MOB4: variants seen among roughly 807,000 people sequenced by gnomAD.
The protein encoded by MOB4 is MOB family member 4, phocein.
A neutral mutation model predicts 32.2 loss-of-function variants in MOB4; 4 were observed. The ratio of observed to expected loss-of-function variants is 0.12; its 90% confidence interval spans 0.06 to 0.28. The LOEUF (loss-of-function observed/expected upper bound fraction) is 0.28. Among genes scored for constraint, MOB4 ranks in the 10% least tolerant of loss-of-function variants. The pLI, the probability that MOB4 is intolerant of heterozygous loss-of-function variation, is 1.00. For synonymous variants in MOB4, 88 were observed against 88.1 expected, an observed-to-expected ratio of 1.00 and a Z score of 0.01; for missense variants, 158 against 271.2, an observed-to-expected ratio of 0.58 and a Z score of 2.93.
chr2:197,525,347 CAAA>C (rs766280342), intron 2 of MOB4, among the ~76,000 whole-genome samples: 3 of 113,468 alleles, frequency 2.6e-5, no homozygotes, highest in Non-Finnish European at 3.8e-5. Flanking sequence ...GACTCCATCT[CAAA>C]AAAAAAAAAA....
intron 2 of MOB4, chr2:197,533,930 A>G: frequency 1.7e-6 from 1 of 592,078 alleles, no homozygotes; most frequent in African/African-American, 1.9e-5. Flanking sequence ...TACAACTCTA[A>G]GAGGAGACAT....
chr2:197,516,175 C>G (rs751834612), intron 1 of MOB4, 29 bp downstream of exon 1: 64 of 1,582,088 alleles, frequency 4.0e-5, no homozygotes, highest in Non-Finnish European at 3.9e-5. Flanking sequence ...TCTTGTCGGG[C>G]AACTAGGTGC....
At chr2:197,539,186 T>A (rs2086853872) in intron 3 of MOB4, among the ~76,000 whole-genome samples, 2 of 152,148 alleles carry the variant, frequency 1.3e-5, no homozygotes, top group Non-Finnish European at 2.9e-5. Context: ...AACTAAATAT[T>A]AATAGGTAGG....
chr2:197,549,859 T>TAAAAAAAAAA lies in MOB4; in HGVS notation c.435-405_435-396dup, dbSNP rs573507195. Among the ~76,000 whole-genome samples, 26 of 84,964 alleles carry TAAAAAAAAAA rather than the reference T, an allele frequency of 3.1e-4. 1 individual carries two copies. The highest frequency in any genetic ancestry group is 8.8e-3 in the Middle Eastern group (1 of 114). 55.7% of individuals were successfully genotyped at this position (84,964 alleles called of 152,430 possible). A position where few individuals can be genotyped will look rare whatever the true frequency, so the allele number is the denominator to read the frequency against. The stretch of plus-strand genomic sequence containing the variant: ...AGCCACCACACCTGGCCTTAATTTC[T>TAAAAAAAAAA]AAAAAAAAAAAAAAAAAAAAGAAAA... On this transcript the variant is annotated intron_variant, in intron 6 of 7. Transcript: ENST00000323303.
intron 1 of MOB4, among the ~76,000 whole-genome samples, chr2:197,521,114 G>A (rs1264340406): frequency 1.3e-5 from 2 of 151,932 alleles, no homozygotes; most frequent in Admixed American, 6.6e-5. Flanking sequence ...CATTTGTATC[G>A]GGGAACCTGC....
At chr2:197,549,152 C>T (rs1241208405) in intron 6 of MOB4, among the ~76,000 whole-genome samples, 1 of 151,952 alleles carries the variant, frequency 6.6e-6, no homozygotes, top group East Asian at 1.9e-4. Flanking sequence ...CGCTTGAACC[C>T]AGGAGGCAGA....
intron 2 of MOB4, among the ~76,000 whole-genome samples, chr2:197,535,222 CAAAAA>C (rs371120769): frequency 3.0e-5 from 2 of 66,420 alleles, no homozygotes; most frequent in African/African-American, 9.1e-5. Flanking sequence ...GACCCTGTTT[CAAAAA>C]AAAAAAAAAA....
intron 3 of MOB4, among the ~76,000 whole-genome samples, chr2:197,538,412 A>C (rs1012010381): frequency 2.8e-5 from 4 of 145,128 alleles, no homozygotes; most frequent in African/African-American, 1.0e-4. Context: ...TTTTGCATAC[A>C]TCCTTTATTG....
intron 1 of MOB4, chr2:197,516,412 G>T: frequency 7.2e-7 from 1 of 1,379,600 alleles, no homozygotes; most frequent in Non-Finnish European, 9.5e-7. Context: ...GAAGCCCTGG[G>T]CTGCGAGCCT....
At position 197,524,628 on chromosome 2, in the gene MOB4, T is replaced by G. The variant is rs187612455; in HGVS notation, c.123+942T>G. Among the ~76,000 whole-genome samples the G allele has an allele frequency of 4.6e-5, 7 of 152,142 alleles. No individual in the cohort carries two copies. The South Asian group carries it at 8.3e-4, about 18-fold the overall frequency. On this transcript the variant is annotated intron_variant, in intron 2 of 7. Transcript: ENST00000323303. The stretch of plus-strand genomic sequence containing the variant: ...AATTGGAGCGTACTAGTATATTGGA[T>G]TAGGCATTGGTTAAATTTTTTTTGT...
rs1324755797 is a variant in MOB4, at chr2:197,553,555, G to C, written c.*2909G>C. The C allele has an allele frequency of 6.6e-6, 1 of 152,164 alleles. No individual in the cohort carries two copies. Among genetic ancestry groups the C allele is most frequent in the Non-Finnish European group, 1.5e-5 (1 of 68,032 alleles). 9.4% of individuals were successfully genotyped at this position (152,164 alleles called of 1,614,324 possible). The stretch of plus-strand genomic sequence containing the variant: ...TTTTATGTGAGTACTTTGCCCTACT[G>C]TCTATATGATGACATCTTTTTTGAG... On this transcript the variant is annotated 3_prime_UTR_variant, in exon 8 of 8. Transcript: ENST00000323303.
At chr2:197,538,771 C>T (rs2086846722) in intron 3 of MOB4, among the ~76,000 whole-genome samples, 1 of 152,162 alleles carries the variant, frequency 6.6e-6, no homozygotes, top group African/African-American at 2.4e-5. Flanking sequence ...AGAAACTTAC[C>T]ACAACCAGTC....
At chr2:197,527,625 T>G (rs1196043084) in intron 2 of MOB4, among the ~76,000 whole-genome samples, 2 of 152,242 alleles carry the variant, frequency 1.3e-5, no homozygotes. Flanking sequence ...GAGATGCGTT[T>G]TATTTCTTTA....
At chr2:197,535,666 C>T (rs369012087) in intron 3 of MOB4, 36 bp downstream of exon 3, 3 of 1,574,366 alleles carry the variant, frequency 1.9e-6, no homozygotes, top group Non-Finnish European at 2.6e-6. Context: ...TAGTACCTCT[C>T]ACAAAACTAG....
rs747169490 is a variant in MOB4 at position 197,540,195 on chromosome 2, A to T, written c.267+42A>T. 6 of 1,580,618 alleles carry T rather than the reference A, an allele frequency of 3.8e-6. No homozygotes were observed. The African/African-American group carries it at 4.1e-5, about 11-fold the overall frequency. On this transcript the variant is annotated intron_variant, in intron 4 of 7. Coordinates refer to ENST00000323303, the MANE Select transcript of MOB4 (RefSeq NM_015387.5). ...GTCAAAGTTATAATTGAAAGTTCTG[A>T]TTTTTTTTTCTCTGTTTTTATAACT...
At chr2:197,517,741 CTTGT>C (rs1409103745) in intron 1 of MOB4, among the ~76,000 whole-genome samples, 4 of 152,044 alleles carry the variant, frequency 2.6e-5, no homozygotes, top group African/African-American at 7.2e-5. Context: ...TTTGTCCTAT[CTTGT>C]TTATCACATG....
At chr2:197,522,888 G>GC (rs1446517792) in intron 1 of MOB4, among the ~76,000 whole-genome samples, 1 of 151,868 alleles carries the variant, frequency 6.6e-6, no homozygotes, top group Non-Finnish European at 1.5e-5. Flanking sequence ...GGTGGTGCGT[G>GC]CCTGTAGTCC....
chr2:197,523,863 C>T (rs1439527919), intron 2 of MOB4, among the ~76,000 whole-genome samples, 177 bp downstream of exon 2: 1 of 152,198 alleles, frequency 6.6e-6, no homozygotes, highest in African/African-American at 2.4e-5. Context: ...AAGCATTTTA[C>T]CTCTGACATA....
At chr2:197,545,335 A>G (rs1233191894) in intron 5 of MOB4, among the ~76,000 whole-genome samples, 1 of 152,220 alleles carries the variant, frequency 6.6e-6, no homozygotes, top group African/African-American at 2.4e-5. Context: ...TCATCTCTAG[A>G]TTACATATAA....
Sources: allele counts gnomAD v4.1 joint callset (sites outside exome capture counted in the v4.1 genomes callset), GRCh38; gene constraint gnomAD v4.1.1; transcripts MANE v1.5; gene names NCBI Gene and HGNC (gene_info 2026-07-23, HGNC 2026-07-21).